PDS5B: variants seen among roughly 807,000 people sequenced by gnomAD.
PDS5B encodes sister chromatid cohesion protein PDS5 homolog B.
A neutral mutation model predicts 184.1 loss-of-function variants in PDS5B; 51 were observed. The ratio of observed to expected loss-of-function variants is 0.28; its 90% confidence interval spans 0.22 to 0.35. The LOEUF is 0.35. PDS5B is among the 10% of genes least tolerant of loss of function. The pLI is 1.00. For synonymous variants in PDS5B, 566 were observed against 569.2 expected, an observed-to-expected ratio of 0.99 and a Z score of 0.08; for missense variants, 1,180 against 1,723.3, an observed-to-expected ratio of 0.68 and a Z score of 5.58.
intron 2 of PDS5B, among the ~76,000 whole-genome samples, chr13:32,651,441 A>T (rs749029399): frequency 5.3e-5 from 8 of 152,234 alleles, no homozygotes; most frequent in Admixed American, 1.3e-4. Context: ...TATTATTTTT[A>T]AAAAAGATGG....
chr13:32,663,728 A>C (rs1950712400), intron 6 of PDS5B, among the ~76,000 whole-genome samples: 1 of 152,308 alleles, frequency 6.6e-6, no homozygotes, highest in South Asian at 2.1e-4. Flanking sequence ...ATATTTTGAA[A>C]TTTCAGTAGC....
chr13:32,767,627 C>T (rs929692053), intron 31 of PDS5B, among the ~76,000 whole-genome samples: 1 of 151,898 alleles, frequency 6.6e-6, no homozygotes, highest in Non-Finnish European at 1.5e-5. Flanking sequence ...TTAAATATAA[C>T]CTTTAAAAGA....
intron 1 of PDS5B, among the ~76,000 whole-genome samples, chr13:32,642,038 G>C (rs981901827): frequency 6.6e-6 from 1 of 152,124 alleles, no homozygotes; most frequent in African/African-American, 2.4e-5. Flanking sequence ...CAAAGGTTTC[G>C]AATCTTATAA....
intron 1 of PDS5B, among the ~76,000 whole-genome samples, chr13:32,595,201 C>T (rs1453137571): frequency 6.6e-6 from 1 of 152,088 alleles, no homozygotes; most frequent in Non-Finnish European, 1.5e-5. Flanking sequence ...GATGACATGA[C>T]TAGGTTTATC....
chr13:32,773,072 T>G, intron 33 of PDS5B, 117 bp from the exon 34 acceptor site: 1 of 787,520 alleles, frequency 1.3e-6, no homozygotes, highest in South Asian at 2.1e-5. Flanking sequence ...TCTTGTCTCA[T>G]AAAGTAACTG....
At chr13:32,658,178 T>G in intron 3 of PDS5B, 61 bp from the exon 4 acceptor site, 1 of 786,214 alleles carries the variant, frequency 1.3e-6, no homozygotes, top group South Asian at 1.6e-5. Context: ...TCTTGGAGTT[T>G]CATGGTTATT....
intron 20 of PDS5B, among the ~76,000 whole-genome samples, chr13:32,734,015 A>ACACACACACACACAC (rs1555312887): frequency 9.1e-4 from 53 of 58,146 alleles, no homozygotes; most frequent in African/African-American, 6.1e-3. Context: ...CACACACACA[A>ACACACACACACACAC]ACATATATTT....
intron 19 of PDS5B, among the ~76,000 whole-genome samples, chr13:32,731,205 T>A (rs764424998): frequency 7.9e-5 from 12 of 152,198 alleles, no homozygotes; most frequent in Non-Finnish European, 1.3e-4. Flanking sequence ...GTATCTTTTG[T>A]GAGACTCTAC....
chr13:32,655,359 C>CATATATATATATATATAT lies in PDS5B; in HGVS notation c.313-2864_313-2863insATATATATATATATATAT, dbSNP rs1177251327. Among the ~76,000 whole-genome samples, 44 of 39,590 alleles carry CATATATATATATATATAT rather than the reference C, an allele frequency of 1.1e-3. 5 individuals are homozygous for CATATATATATATATATAT. Among genetic ancestry groups the CATATATATATATATATAT allele is most frequent in the East Asian group, 8.1e-3 (2 of 246 alleles). 26.0% of individuals were successfully genotyped at this position (39,590 alleles called of 152,430 possible). On this transcript the variant is annotated intron_variant, in intron 3 of 34. Coordinates refer to ENST00000315596, the MANE Select transcript of PDS5B (RefSeq NM_015032.4). ...AAAAGTATCTCTTCATGTTCTTTGCCATATATATATATATATTTTTTTTTT... is the reference window on the plus strand; with the variant it reads ...AAAAGTATCTCTTCATGTTCTTTGCCATATATATATATATATATATATATATATATATATTTTTTTTTT...
intron 13 of PDS5B, among the ~76,000 whole-genome samples, chr13:32,692,527 C>G (rs569453507): frequency 1.6e-4 from 23 of 144,506 alleles, no homozygotes; most frequent in African/African-American, 5.8e-4. Flanking sequence ...AGGCCACTGA[C>G]TAAAACCTGA....
intron 6 of PDS5B, among the ~76,000 whole-genome samples, chr13:32,662,427 T>C (rs1434126356): frequency 6.6e-6 from 1 of 151,796 alleles, no homozygotes; most frequent in Non-Finnish European, 1.5e-5. Flanking sequence ...GAAACAAAAC[T>C]ACTAATTTAA....
At chr13:32,698,955 A>G (rs1042907463) in intron 15 of PDS5B, among the ~76,000 whole-genome samples, 2 of 152,128 alleles carry the variant, frequency 1.3e-5, no homozygotes, top group African/African-American at 4.8e-5. Context: ...GGGTTTCACC[A>G]TCTTGGCCAG....
intron 1 of PDS5B, among the ~76,000 whole-genome samples, chr13:32,602,029 T>C (rs1457810102): frequency 2.1e-5 from 3 of 145,154 alleles, no homozygotes; most frequent in African/African-American, 7.6e-5. Context: ...ATCTTGCTCC[T>C]TTAGGAAGTG....
chr13:32,767,328 A>G (rs1205209676), intron 31 of PDS5B, among the ~76,000 whole-genome samples: 2 of 152,210 alleles, frequency 1.3e-5, no homozygotes, highest in Non-Finnish European at 2.9e-5. Context: ...AAATACTTGA[A>G]GCATTCTTTT....
chr13:32,625,230 C>A (rs1566257259), intron 1 of PDS5B, among the ~76,000 whole-genome samples: 2 of 152,084 alleles, frequency 1.3e-5, no homozygotes, highest in South Asian at 4.1e-4. Context: ...GATCCTCCCA[C>A]CTGAGCCTTC....
At position 32,777,007 on chromosome 13, in the gene PDS5B, A is replaced by G. The variant is rs1954976854; in HGVS notation, c.*1955A>G. On this transcript the variant is annotated 3_prime_UTR_variant, in exon 35 of 35. Transcript: ENST00000315596. Reference sequence around the variant, plus strand: ...TCCTTAGCTCGGTTCTCCCAAACACATAATTTCTGTTTCAGCAGTACAAAG... The same window carrying G: ...TCCTTAGCTCGGTTCTCCCAAACACGTAATTTCTGTTTCAGCAGTACAAAG... 6.6e-6 allele frequency: 1 copy of G among 152,416 alleles called. No individual in the cohort carries two copies. Among genetic ancestry groups the G allele is most frequent in the Admixed American group, 6.6e-5 (1 of 15,258 alleles). 9.4% of individuals were successfully genotyped at this position (152,416 alleles called of 1,614,324 possible).
chr13:32,733,985 A>AACAC (rs148714647), intron 20 of PDS5B, among the ~76,000 whole-genome samples: 42,923 of 141,898 alleles, frequency 0.3, 7,861 homozygotes, highest in Non-Finnish European at 0.41. Context: ...CAAAAATTAA[A>AACAC]ACACACACAC....
intron 1 of PDS5B, among the ~76,000 whole-genome samples, chr13:32,625,979 C>T (rs2058365502): frequency 6.6e-6 from 1 of 152,030 alleles, no homozygotes; most frequent in African/African-American, 2.4e-5. Context: ...GCTGGGATCA[C>T]AGGCACGCAC....
At chr13:32,638,297 G>C (rs955439539) in intron 1 of PDS5B, among the ~76,000 whole-genome samples, 10 of 152,180 alleles carry the variant, frequency 6.6e-5, no homozygotes, top group African/African-American at 2.2e-4. Flanking sequence ...TTTATTTCTT[G>C]ATGGGAGGAG....
Sources: allele counts gnomAD v4.1 joint callset (sites outside exome capture counted in the v4.1 genomes callset), GRCh38; gene constraint gnomAD v4.1.1; transcripts MANE v1.5; gene names NCBI Gene and HGNC (gene_info 2026-07-23, HGNC 2026-07-21).